DIP2C: variants seen among roughly 807,000 people sequenced by gnomAD.
DIP2C encodes the protein DIP2 acetate--CoA ligase C (putative), also known as disco-interacting protein 2 homolog C.
Under a neutral mutation model 192.4 loss-of-function variants are expected in DIP2C, and 33 were observed. The observed-to-expected ratio is 0.17, with a 90% CI of 0.13 to 0.23. The LOEUF is 0.23. Ranked by LOEUF, DIP2C falls within the 10% of genes least tolerant of loss-of-function variation. The pLI, the probability that DIP2C is intolerant of heterozygous loss-of-function variation, is 1.00. For missense variants in DIP2C, 1,537 were observed against 2,110.1 expected (o/e 0.73, Z 5.32); for synonymous variants, 979 against 864.1 (o/e 1.13, Z -2.33).
At chr10:561,051 G>A (rs996011827) in intron 1 of DIP2C, among the ~76,000 whole-genome samples, 9 of 152,016 alleles carry the variant, frequency 5.9e-5, no homozygotes, top group African/African-American at 7.2e-5. Flanking sequence ...AGTTGTCCCC[G>A]CGTTTCCAGA....
At chr10:496,301 AAAC>A (rs1365884486) in intron 1 of DIP2C, among the ~76,000 whole-genome samples, 5 of 149,790 alleles carry the variant, frequency 3.3e-5, no homozygotes, top group Admixed American at 2.7e-4. Flanking sequence ...TTAATACCCC[AAAC>A]AACATGAGTG....
At chr10:681,842 G>T (rs1831145995) in intron 1 of DIP2C, among the ~76,000 whole-genome samples, 1 of 152,238 alleles carries the variant, frequency 6.6e-6, no homozygotes, top group South Asian at 2.1e-4. Flanking sequence ...AGAGCTCAGG[G>T]CCCAGGGCTA....
At chr10:315,122 T>C (rs1455946665) in intron 31 of DIP2C, among the ~76,000 whole-genome samples, 1 of 152,260 alleles carries the variant, frequency 6.6e-6, no homozygotes, top group Non-Finnish European at 1.5e-5. Context: ...TTATGTGCTA[T>C]GAAAATGAAG....
intron 1 of DIP2C, among the ~76,000 whole-genome samples, chr10:541,670 C>T (rs1391700238): frequency 2.7e-5 from 4 of 150,576 alleles, no homozygotes; most frequent in African/African-American, 9.8e-5. Flanking sequence ...CCCGTCTCTC[C>T]TGGAACCCCA....
intron 6 of DIP2C, among the ~76,000 whole-genome samples, chr10:418,700 C>T (rs1177453820): frequency 6.6e-6 from 1 of 152,240 alleles, no homozygotes; most frequent in African/African-American, 2.4e-5. Flanking sequence ...CATTTAACTT[C>T]ATCTTGCTCT....
rs749822515 is a variant in DIP2C at position 337,800 on chromosome 10, C to CGTGTGTTGTGGAGGCCTAGGCAGCTGT, written c.3584+3398_3584+3399insACAGCTGCCTAGGCCTCCACAACACAC. On this transcript the variant is annotated intron_variant, in intron 29 of 36. Transcript: ENST00000280886. ...AGGCCTAGGCAGCTGTGTGTGTGCACGTGTGTCGTGGAGGCCTACGCAGCT... is the reference window on the plus strand; with the variant it reads ...AGGCCTAGGCAGCTGTGTGTGTGCACGTGTGTTGTGGAGGCCTAGGCAGCTGTGTGTGTCGTGGAGGCCTACGCAGCT... Among the ~76,000 whole-genome samples the CGTGTGTTGTGGAGGCCTAGGCAGCTGT allele has an allele frequency of 6.5e-5, 8 of 122,652 alleles. 1 individual carries two copies. Among genetic ancestry groups the CGTGTGTTGTGGAGGCCTAGGCAGCTGT allele is most frequent in the South Asian group, 2.9e-4 (1 of 3,460 alleles). The allele number at this position is 122,652 out of a possible 152,430, so 80.5% of individuals were successfully genotyped here.
intron 32 of DIP2C, among the ~76,000 whole-genome samples, chr10:294,465 G>T (rs1296172595): frequency 6.6e-6 from 1 of 152,044 alleles, no homozygotes; most frequent in African/African-American, 2.4e-5. Context: ...AAATGAGCAA[G>T]GTGTGGTGGT....
At chr10:654,907 A>G (rs946540361) in intron 1 of DIP2C, among the ~76,000 whole-genome samples, 1 of 152,168 alleles carries the variant, frequency 6.6e-6, no homozygotes, top group Non-Finnish European at 1.5e-5. Context: ...TTCATTCTAC[A>G]CTATATAATA....
rs919700882 is a variant in DIP2C at position 276,041 on chromosome 10, G to C, written c.*1284C>G. On this transcript the variant is annotated 3_prime_UTR_variant, in exon 37 of 37. Transcript: ENST00000280886. ...AGGGGGAATCAATGCAACCCAGTGC[G>C]AATGACCACAGAATCGCATTCCTTT... is the stretch of plus-strand genomic sequence containing the variant. 2.6e-5 allele frequency: 4 copies of C among 152,258 alleles called. No homozygotes were observed. The highest frequency in any genetic ancestry group is 4.8e-5 in the African/African-American group (2 of 41,434). The allele number at this position is 152,258 out of a possible 1,614,324, so 9.4% of individuals were successfully genotyped here.
intron 1 of DIP2C, among the ~76,000 whole-genome samples, chr10:590,986 G>A (rs539980897): frequency 2.1e-4 from 32 of 152,258 alleles, no homozygotes; most frequent in African/African-American, 7.7e-4. Context: ...GCCCAAGCTG[G>A]GTGGCACATT....
chr10:614,591 G>C (rs763061805), intron 1 of DIP2C, among the ~76,000 whole-genome samples: 2 of 152,232 alleles, frequency 1.3e-5, no homozygotes, highest in Non-Finnish European at 2.9e-5. Flanking sequence ...CAATCTGCTC[G>C]GCCGACACAA....
intron 33 of DIP2C, among the ~76,000 whole-genome samples, chr10:287,513 T>C (rs1955208422): frequency 6.6e-6 from 1 of 152,126 alleles, no homozygotes; most frequent in African/African-American, 2.4e-5. Context: ...TCCGCCAGAC[T>C]GTTAGGATGG....
intron 2 of DIP2C, among the ~76,000 whole-genome samples, chr10:481,573 CCT>C (rs1448796573): frequency 1.3e-5 from 2 of 152,328 alleles, no homozygotes; most frequent in South Asian, 4.1e-4. Context: ...TACATGTTAC[CCT>C]CTGTCATTTC....
intron 1 of DIP2C, among the ~76,000 whole-genome samples, chr10:538,125 T>C (rs887716661): frequency 6.6e-6 from 1 of 152,154 alleles, no homozygotes; most frequent in African/African-American, 2.4e-5. Context: ...TTTTTGTTTC[T>C]AGACTCTGTA....
chr10:482,277 G>A (rs1464435818), intron 2 of DIP2C, among the ~76,000 whole-genome samples: 1 of 152,170 alleles, frequency 6.6e-6, no homozygotes, highest in Non-Finnish European at 1.5e-5. Context: ...TCAACAGTTG[G>A]ACAGCACAGT....
chr10:569,019 T>C (rs1371565228), intron 1 of DIP2C, among the ~76,000 whole-genome samples: 3 of 152,168 alleles, frequency 2.0e-5, no homozygotes, highest in African/African-American at 7.2e-5. Context: ...AGCGGCTTCC[T>C]GGCTGAACCA....
chr10:384,625 C>T lies in DIP2C; in HGVS notation c.1677G>A (p.Met559Ile). 1 of 1,613,990 alleles carries T rather than the reference C, an allele frequency of 6.2e-7. No individual in the cohort carries two copies. The highest frequency in any genetic ancestry group is 8.5e-7 in the Non-Finnish European group (1 of 1,180,022). The change falls in exon 15 of 37, where the codon ATG (methionine) becomes ATA (isoleucine). Residue 559 changes from methionine (M) to isoleucine (I), a missense_variant. Coordinates refer to ENST00000280886, the MANE Select transcript of DIP2C (RefSeq NM_014974.3). ...AGTACGGGATGCTGATCACATGCAT[C>T]ATGTTCATGACGCTCTGCAATCAAC... is the stretch of plus-strand genomic sequence containing the variant. ...WHGILTSVMN[M>I]MHVISIPYSL...
intron 1 of DIP2C, among the ~76,000 whole-genome samples, chr10:547,968 T>G (rs946023537): frequency 6.6e-6 from 1 of 152,142 alleles, no homozygotes; most frequent in Non-Finnish European, 1.5e-5. Context: ...TGCCTTCAAA[T>G]GCAGCTCAAA....
rs183061666 is a variant in DIP2C at position 603,107 on chromosome 10, G to A, written c.85+86387C>T. On this transcript the variant is annotated intron_variant, in intron 1 of 36. Coordinates refer to ENST00000280886, the MANE Select transcript of DIP2C (RefSeq NM_014974.3). The stretch of plus-strand genomic sequence containing the variant: ...GAAAATGCTGGATTATCATATGTAA[G>A]TTCTGGCATGTCATTTGTGTTAATA... Among the ~76,000 whole-genome samples, 5 of 152,078 alleles carry A rather than the reference G, an allele frequency of 3.3e-5. No homozygotes were observed. The East Asian group carries it at 9.7e-4, about 29-fold the overall frequency.
Sources: gnomAD v4.1 joint callset for allele counts (sites outside exome capture counted in the v4.1 genomes callset) on GRCh38, gnomAD v4.1.1 for gene constraint, MANE v1.5 for transcripts, NCBI Gene and HGNC (gene_info 2026-07-23, HGNC 2026-07-21) for gene names.